CADM2: variants seen among roughly 807,000 people sequenced by gnomAD.
CADM2 encodes immunoglobulin superfamily member 4D.
In CADM2, 12 loss-of-function variants were observed where a neutral mutation model predicts 49.8. That is an observed-to-expected ratio of 0.24 (90% CI 0.15 to 0.39). CADM2 has a LOEUF of 0.39. Ranked by LOEUF, CADM2 falls within the 10% of genes least tolerant of loss-of-function variation. The pLI is 1.00. For synonymous variants in CADM2, 214 were observed against 175.4 expected (o/e 1.22, Z -1.74); for missense variants, 378 against 492.3 (o/e 0.77, Z 2.20).
At chr3:85,708,299 GTACTTTA>G (rs1304458528) in intron 1 of CADM2, among the ~76,000 whole-genome samples, 3 of 151,760 alleles carry the variant, frequency 2.0e-5, no homozygotes, top group African/African-American at 7.3e-5. Flanking sequence ...CTAGATACAG[GTACTTTA>G]TTTACAAATA....
intron 1 of CADM2, among the ~76,000 whole-genome samples, chr3:84,990,953 T>G (rs2032852033): frequency 6.6e-6 from 1 of 152,266 alleles, no homozygotes; most frequent in African/African-American, 2.4e-5. Context: ...TTTATAGACC[T>G]GTATAATGGG....
chr3:85,664,971 T>C (rs1055881022), intron 1 of CADM2, among the ~76,000 whole-genome samples: 13 of 152,022 alleles, frequency 8.6e-5, no homozygotes, highest in African/African-American at 2.9e-4. Context: ...AACTAGAATG[T>C]AAGCTTCATG....
chr3:84,991,472 T>C (rs1410955885), intron 1 of CADM2, among the ~76,000 whole-genome samples: 1 of 152,134 alleles, frequency 6.6e-6, no homozygotes, highest in Non-Finnish European at 1.5e-5. Context: ...ATAAAGCAAA[T>C]TGATAAACAA....
chr3:85,788,723 G>C (rs753541702), intron 2 of CADM2, among the ~76,000 whole-genome samples: 27 of 151,616 alleles, frequency 1.8e-4, no homozygotes, highest in Non-Finnish European at 3.4e-4. Flanking sequence ...ATGAAAACCA[G>C]ACTGAAGTCC....
At chr3:85,226,423 GTA>G (rs1160558057) in intron 1 of CADM2, among the ~76,000 whole-genome samples, 8 of 152,178 alleles carry the variant, frequency 5.3e-5, no homozygotes, top group Non-Finnish European at 7.4e-5. Flanking sequence ...GGTGTTTATG[GTA>G]TTCTCTGATG....
chr3:85,378,328 C>A (rs1324002647), intron 1 of CADM2, among the ~76,000 whole-genome samples: 2 of 151,964 alleles, frequency 1.3e-5, no homozygotes, highest in East Asian at 3.9e-4. Context: ...ACCTAAATAT[C>A]TTTATTTTGT....
intron 1 of CADM2, among the ~76,000 whole-genome samples, chr3:85,619,268 A>G (rs533899684): frequency 6.6e-6 from 1 of 152,092 alleles, no homozygotes; most frequent in East Asian, 1.9e-4. Flanking sequence ...AGTATCACCA[A>G]TGCTTAGATT....
intron 1 of CADM2, among the ~76,000 whole-genome samples, chr3:85,333,052 T>C (rs2107158844): frequency 6.6e-6 from 1 of 151,980 alleles, no homozygotes; most frequent in South Asian, 2.1e-4. Context: ...TTTAGCACTT[T>C]TCATTGTCTC....
At chr3:85,453,230 G>A (rs540078055) in intron 1 of CADM2, among the ~76,000 whole-genome samples, 5 of 151,802 alleles carry the variant, frequency 3.3e-5, no homozygotes, top group Non-Finnish European at 7.4e-5. Flanking sequence ...ATTATTTCAT[G>A]TAAGTATATA....
chr3:85,015,218 G>T (rs532680871), intron 1 of CADM2, among the ~76,000 whole-genome samples: 1 of 152,040 alleles, frequency 6.6e-6, no homozygotes, highest in African/African-American at 2.4e-5. Flanking sequence ...CCTTACTTAA[G>T]CCAGAAAAAA....
At chr3:85,842,594 C>T (rs1406765175) in intron 3 of CADM2, among the ~76,000 whole-genome samples, 2 of 152,094 alleles carry the variant, frequency 1.3e-5, no homozygotes, top group Non-Finnish European at 2.9e-5. Flanking sequence ...GATGAGGTAA[C>T]ATCACATGTC....
intron 1 of CADM2, among the ~76,000 whole-genome samples, chr3:85,026,183 A>T (rs184654521): frequency 1.6e-3 from 251 of 152,314 alleles, no homozygotes; most frequent in South Asian, 7.0e-3. Flanking sequence ...TCAGATAAAA[A>T]TGTCTTTGTG....
At chr3:85,437,646 C>G (rs182266324) in intron 1 of CADM2, among the ~76,000 whole-genome samples, 1 of 151,972 alleles carries the variant, frequency 6.6e-6, no homozygotes, top group East Asian at 1.9e-4. Context: ...GTCTACATAA[C>G]CAACATGTTT....
In CADM2 at chr3:85,026,040, T is replaced by C. The variant is rs192983634; in HGVS notation, c.61+66372T>C. ...CTCAAGGGCTTTATGGTTAAGCCAG[T>C]GAGTGACTAACACTAAATAACCAGC... On this transcript the variant is annotated intron_variant, in intron 1 of 9. Transcript: ENST00000383699. Among the ~76,000 whole-genome samples the C allele has an allele frequency of 9.2e-5, 14 of 152,284 alleles. No homozygotes were observed. In the East Asian group the frequency reaches 1.7e-3, roughly 19 times the overall value.
At chr3:85,434,162 T>G (rs1341820524) in intron 1 of CADM2, among the ~76,000 whole-genome samples, 2 of 152,018 alleles carry the variant, frequency 1.3e-5, no homozygotes, top group African/African-American at 4.8e-5. Context: ...TTATTTTCAG[T>G]AGAAAGAAAA....
At chr3:85,857,869 T>G (rs1177429694) in intron 3 of CADM2, among the ~76,000 whole-genome samples, 1 of 152,212 alleles carries the variant, frequency 6.6e-6, no homozygotes, top group African/African-American at 2.4e-5. Flanking sequence ...ATAAACATCT[T>G]TGTTTACTAA....
At chr3:85,368,836 G>T (rs1559803921) in intron 1 of CADM2, among the ~76,000 whole-genome samples, 1 of 151,918 alleles carries the variant, frequency 6.6e-6, no homozygotes, top group Admixed American at 6.6e-5. Context: ...ACAACTAATT[G>T]TACCCTGTTC....
intron 1 of CADM2, among the ~76,000 whole-genome samples, chr3:85,279,220 T>G (rs1383325704): frequency 6.6e-6 from 1 of 151,588 alleles, no homozygotes; most frequent in African/African-American, 2.4e-5. Context: ...AAATATGTTA[T>G]AAGAGCCTAA....
chr3:85,104,970 G>T (rs1448105706), intron 1 of CADM2, among the ~76,000 whole-genome samples: 1 of 152,074 alleles, frequency 6.6e-6, no homozygotes, highest in Non-Finnish European at 1.5e-5. Flanking sequence ...GAGATTTTGG[G>T]GTGAGACGAT....
Sources: allele counts gnomAD v4.1 joint callset (sites outside exome capture counted in the v4.1 genomes callset), GRCh38; gene constraint gnomAD v4.1.1; transcripts MANE v1.5; gene names NCBI Gene and HGNC (gene_info 2026-07-23, HGNC 2026-07-21).